Variants in BMPR1B observed in about 807,000 individuals in gnomAD.
BMPR1B encodes the protein bone morphogenetic protein receptor type-1B.
A neutral mutation model predicts 59.1 loss-of-function variants in BMPR1B; 12 were observed. The observed-to-expected ratio is 0.20, with a 90% CI of 0.13 to 0.33. The LOEUF is 0.33. Among genes scored for constraint, BMPR1B ranks in the 10% least tolerant of loss-of-function variants. The pLI is 1.00. For missense variants in BMPR1B, 550 were observed against 610.9 expected, an observed-to-expected ratio of 0.90 and a Z score of 1.05; for synonymous variants, 237 against 207.3, an observed-to-expected ratio of 1.14 and a Z score of -1.23.
intron 3 of BMPR1B, among the ~76,000 whole-genome samples, chr4:95,013,541 T>A (rs1165620103): frequency 6.6e-6 from 1 of 152,208 alleles, no homozygotes; most frequent in East Asian, 1.9e-4. Context: ...TCTCAGGATT[T>A]ATACAGTCAT....
intron 3 of BMPR1B, among the ~76,000 whole-genome samples, chr4:95,093,506 G>T (rs936459194): frequency 8.6e-5 from 13 of 151,452 alleles, no homozygotes; most frequent in African/African-American, 3.2e-4. Flanking sequence ...TGTGTTGTCT[G>T]TTGACTTGTA....
chr4:94,984,865 TG>T (rs1336004888), intron 2 of BMPR1B, among the ~76,000 whole-genome samples: 1 of 152,172 alleles, frequency 6.6e-6, no homozygotes, highest in Non-Finnish European at 1.5e-5. Flanking sequence ...ATGAAAGCAG[TG>T]TCTTGATACC....
At chr4:95,083,235 A>AT (rs1214742580) in intron 3 of BMPR1B, among the ~76,000 whole-genome samples, 2 of 151,800 alleles carry the variant, frequency 1.3e-5, no homozygotes, top group East Asian at 1.9e-4. Flanking sequence ...ATTCTTTTTT[A>AT]TTTTTTGCTT....
At position 95,135,018 on chromosome 4, in the gene BMPR1B, C is replaced by T. The variant is rs921580209; in HGVS notation, c.1076+3506C>T. On this transcript the variant is annotated intron_variant, in intron 10 of 12. Transcript: ENST00000515059. ...AGGTCTCACATTTAAATCTTTAATC[C>T]ATCTTGAATTAATTTTTGTATAAGG... Among the ~76,000 whole-genome samples the T allele has an allele frequency of 2.0e-5, 3 of 152,150 alleles. No individual in the cohort carries two copies. The South Asian group carries it at 6.2e-4, about 32-fold the overall frequency.
intron 1 of BMPR1B, among the ~76,000 whole-genome samples, chr4:94,855,145 C>A (rs780277451): frequency 9.2e-5 from 14 of 152,030 alleles, no homozygotes; most frequent in Admixed American, 4.6e-4. Context: ...TAAAGGAATT[C>A]TGGTTCATAT....
chr4:94,811,579 A>G (rs895042967), intron 1 of BMPR1B, among the ~76,000 whole-genome samples: 3 of 152,198 alleles, frequency 2.0e-5, no homozygotes, highest in Non-Finnish European at 1.5e-5. Context: ...CTGATCTAGG[A>G]TGATTATTAA....
intron 10 of BMPR1B, among the ~76,000 whole-genome samples, chr4:95,136,721 G>A (rs1367728564): frequency 2.0e-5 from 3 of 152,112 alleles, no homozygotes; most frequent in African/African-American, 7.2e-5. Flanking sequence ...ATTCTCTGAT[G>A]TTAGTTTGTA....
intron 1 of BMPR1B, among the ~76,000 whole-genome samples, chr4:94,833,508 A>T (rs1724683411): frequency 6.6e-6 from 1 of 152,106 alleles, no homozygotes; most frequent in African/African-American, 2.4e-5. Flanking sequence ...GCTTGTTATT[A>T]GATCTCAGTG....
chr4:95,111,753 C>T (rs1403189176), intron 4 of BMPR1B, among the ~76,000 whole-genome samples: 1 of 152,014 alleles, frequency 6.6e-6, no homozygotes, highest in Non-Finnish European at 1.5e-5. Context: ...TCTAGATGTT[C>T]CTTCTAGACA....
chr4:95,122,335 CAA>C (rs34062951), intron 6 of BMPR1B, among the ~76,000 whole-genome samples: 17 of 126,894 alleles, frequency 1.3e-4, no homozygotes, highest in Non-Finnish European at 1.0e-4. Flanking sequence ...GATCCTGTAT[CAA>C]AAAAAAAAAA....
At chr4:94,780,525 G>C (rs1722547747) in intron 1 of BMPR1B, among the ~76,000 whole-genome samples, 1 of 151,570 alleles carries the variant, frequency 6.6e-6, no homozygotes. Context: ...ATTTTTCCTG[G>C]GTATATACCT....
At chr4:94,771,751 G>A (rs959150314) in intron 1 of BMPR1B, among the ~76,000 whole-genome samples, 7 of 152,132 alleles carry the variant, frequency 4.6e-5, no homozygotes, top group Non-Finnish European at 1.0e-4. Flanking sequence ...TGTTTGATCC[G>A]TCTATTGTCT....
chr4:94,934,728 T>A (rs1729225361), intron 2 of BMPR1B, among the ~76,000 whole-genome samples: 1 of 152,204 alleles, frequency 6.6e-6, no homozygotes, highest in Non-Finnish European at 1.5e-5. Context: ...GAATTAATAG[T>A]TTTTTCCCCC....
intron 1 of BMPR1B, among the ~76,000 whole-genome samples, chr4:94,770,180 G>GGTTTT (rs771544268): frequency 1.7e-4 from 18 of 106,266 alleles, no homozygotes; most frequent in African/African-American, 4.5e-4. Context: ...CTTCGTTTCT[G>GGTTTT]TGTTTGTTTT....
intron 1 of BMPR1B, among the ~76,000 whole-genome samples, chr4:94,846,922 C>T (rs1177481736): frequency 6.6e-6 from 1 of 151,670 alleles, no homozygotes; most frequent in African/African-American, 2.4e-5. Context: ...TCCACAGGCA[C>T]AGGCAACCAA....
chr4:94,841,617 C>T (rs909178826), intron 1 of BMPR1B, among the ~76,000 whole-genome samples: 16 of 152,156 alleles, frequency 1.1e-4, no homozygotes, highest in Non-Finnish European at 2.4e-4. Flanking sequence ...CACCCTGCTT[C>T]GGCTCGCACA....
intron 3 of BMPR1B, among the ~76,000 whole-genome samples, chr4:95,040,289 G>A (rs1215465553): frequency 6.6e-6 from 1 of 151,964 alleles, no homozygotes; most frequent in African/African-American, 2.4e-5. Flanking sequence ...ATTCTTTAAG[G>A]GTTTAGATAA....
chr4:95,120,586 C>CA (rs1398088435), intron 6 of BMPR1B, among the ~76,000 whole-genome samples: 2 of 136,422 alleles, frequency 1.5e-5, no homozygotes, highest in Non-Finnish European at 3.2e-5. Flanking sequence ...AATGAATATA[C>CA]AAAAAATCAG....
intron 3 of BMPR1B, among the ~76,000 whole-genome samples, chr4:95,001,527 A>G (rs1722450157): frequency 6.6e-6 from 1 of 152,218 alleles, no homozygotes; most frequent in Non-Finnish European, 1.5e-5. Flanking sequence ...CATGGCACAT[A>G]GTCCTGGAGC....
Sources: gnomAD v4.1 joint callset for allele counts (sites outside exome capture counted in the v4.1 genomes callset) on GRCh38, gnomAD v4.1.1 for gene constraint, MANE v1.5 for transcripts, NCBI Gene and HGNC (gene_info 2026-07-23, HGNC 2026-07-21) for gene names.